The following NEK6 variants were observed in gnomAD, a reference collection of about 807,000 sequenced individuals.
NEK6 encodes the protein NIMA related kinase 6.
A neutral mutation model predicts 43.5 loss-of-function variants in NEK6; 27 were observed. That is an observed-to-expected ratio of 0.62 (90% confidence interval 0.46 to 0.86). The LOEUF (loss-of-function observed/expected upper bound fraction) is 0.86, where lower values mean the gene tolerates loss of function less well. Ranked by LOEUF, NEK6 falls within the 40% of genes least tolerant of loss-of-function variation. The pLI is 0.00. For synonymous variants in NEK6, 167 were observed against 164.1 expected, an observed-to-expected ratio of 1.02 and a Z score of -0.14; for missense variants, 318 against 414.4, an observed-to-expected ratio of 0.77 and a Z score of 2.02.
At chr9:124,329,018 C>G (rs1400861500) in intron 7 of NEK6, among the ~76,000 whole-genome samples, 1 of 152,176 alleles carries the variant, frequency 6.6e-6, no homozygotes, top group Non-Finnish European at 1.5e-5. Flanking sequence ...GAGATTTTTC[C>G]GAGGTCACAT....
chr9:124,316,475 CTCCCT>C (rs1833823444), intron 4 of NEK6, among the ~76,000 whole-genome samples: 1 of 152,212 alleles, frequency 6.6e-6, no homozygotes, highest in Non-Finnish European at 1.5e-5. Context: ...TCAGCTCTCC[CTCCCT>C]TCCCTCTGGC....
intron 9 of NEK6, 43 bp downstream of exon 9, chr9:124,347,865 C>G: frequency 7.7e-7 from 1 of 1,295,200 alleles, no homozygotes; most frequent in South Asian, 1.2e-5. Context: ...CCCAGGAGGC[C>G]ACCGAGGCTT....
intron 1 of NEK6, among the ~76,000 whole-genome samples, chr9:124,272,069 A>G (rs546455953): frequency 3.4e-4 from 52 of 152,246 alleles, no homozygotes; most frequent in African/African-American, 1.2e-3. Flanking sequence ...AGTTTTCCCA[A>G]TCTATTGTGG....
intron 1 of NEK6, chr9:124,292,365 C>G (rs1484634653): frequency 6.6e-7 from 1 of 1,505,674 alleles, no homozygotes; most frequent in Non-Finnish European, 8.8e-7. Context: ...TGGGCTTGGC[C>G]AGAACTTCTG....
intron 1 of NEK6, among the ~76,000 whole-genome samples, chr9:124,280,730 G>C (rs548584783): frequency 6.6e-6 from 1 of 152,286 alleles, no homozygotes; most frequent in South Asian, 2.1e-4. Flanking sequence ...AGAGAGCTGG[G>C]GTCCTCAGCC....
At chr9:124,268,589 C>G (rs183480581) in intron 1 of NEK6, among the ~76,000 whole-genome samples, 1 of 152,202 alleles carries the variant, frequency 6.6e-6, no homozygotes, top group Non-Finnish European at 1.5e-5. Context: ...TCCTGGCTCT[C>G]TCTCTGCTTG....
chr9:124,289,655 C>G (rs184537797), intron 1 of NEK6, among the ~76,000 whole-genome samples: 1 of 152,256 alleles, frequency 6.6e-6, no homozygotes, highest in East Asian at 1.9e-4. Context: ...AATTCCAGAC[C>G]GAAAAGATCT....
intron 1 of NEK6, among the ~76,000 whole-genome samples, chr9:124,288,894 C>G (rs77838820): frequency 0.15 from 22,334 of 152,138 alleles, 1,698 homozygotes; most frequent in Non-Finnish European, 0.17. Context: ...CTCCCTGCAG[C>G]CCCCTTCATT....
At chr9:124,288,088 C>T (rs4367656) in intron 1 of NEK6, among the ~76,000 whole-genome samples, 1 of 152,112 alleles carries the variant, frequency 6.6e-6, no homozygotes, top group Non-Finnish European at 1.5e-5. Context: ...TCCCAAAAGG[C>T]GGATCCCCAG....
chr9:124,327,629 G>T (rs535178700), intron 7 of NEK6, among the ~76,000 whole-genome samples, 184 bp downstream of exon 7: 2 of 152,338 alleles, frequency 1.3e-5, no homozygotes, highest in South Asian at 2.1e-4. Flanking sequence ...GGCCAGAGGA[G>T]CCCAGCTGGG....
intron 4 of NEK6, among the ~76,000 whole-genome samples, chr9:124,316,886 C>T (rs1456518701): frequency 2.0e-5 from 3 of 152,238 alleles, no homozygotes; most frequent in African/African-American, 7.2e-5. Flanking sequence ...CCTACCCAAC[C>T]CCTCTCATTT....
chr9:124,296,978 C>T (rs1832722568), intron 1 of NEK6, among the ~76,000 whole-genome samples: 1 of 152,238 alleles, frequency 6.6e-6, no homozygotes, highest in Non-Finnish European at 1.5e-5. Context: ...TCCCTAGGGT[C>T]ACAGCCCACA....
At chr9:124,257,633 G>C, upstream of NEK6, 1 of 1,506,166 alleles carries the variant, frequency 6.6e-7, no homozygotes. Context: ...GGAATCCGAA[G>C]ACGCACAGGA....
chr9:124,291,801 G>C (rs1588467600), intron 1 of NEK6: 3 of 985,096 alleles, frequency 3.0e-6, no homozygotes, highest in African/African-American at 1.7e-5. Context: ...CCAGTCCCTG[G>C]TAAGCAGGGG....
rs1831410514 is a variant in NEK6, at chr9:124,270,873, C to G, written c.-30+12788C>G. On this transcript the variant is annotated intron_variant, in intron 1 of 9. Coordinates refer to ENST00000320246, the MANE Select transcript of NEK6 (RefSeq NM_014397.6). ...GAAGCATTTCAGGACAGTGAAAGCACAGCATGAAGCCCTACGCTTGGGGCT... is the reference window on the plus strand; with the variant it reads ...GAAGCATTTCAGGACAGTGAAAGCAGAGCATGAAGCCCTACGCTTGGGGCT... 2.6e-5 allele frequency among the ~76,000 whole-genome samples: 4 copies of G among 152,254 alleles called. No individual in the cohort carries two copies. The South Asian group carries it at 8.3e-4, about 31-fold the overall frequency.
chr9:124,312,679 G>A lies in NEK6; in HGVS notation c.231+30G>A, dbSNP rs538813755. On this transcript the variant is annotated intron_variant, in intron 3 of 9. Transcript: ENST00000320246. ...GCTGACAACCCGTGGGGTCAAACCT[G>A]CATCTCGGGAGGTGGTCTCTGCATC... 1.2e-5 allele frequency: 19 copies of A among 1,592,816 alleles called. No individual in the cohort carries two copies. The South Asian group carries it at 2.0e-4, about 17-fold the overall frequency.
At chr9:124,350,670 G>A (rs191423857) in intron 9 of NEK6, among the ~76,000 whole-genome samples, 167 bp from the exon 10 acceptor site, 17 of 152,240 alleles carry the variant, frequency 1.1e-4, no homozygotes, top group Admixed American at 3.3e-4. Context: ...ATGCGGCTGC[G>A]CACCCCTTAC....
At chr9:124,338,315 A>G (rs1442283080) in intron 7 of NEK6, among the ~76,000 whole-genome samples, 1 of 152,208 alleles carries the variant, frequency 6.6e-6, no homozygotes, top group Non-Finnish European at 1.5e-5. Flanking sequence ...GATGAGTAGT[A>G]AGAAAAGTAG....
chr9:124,290,782 G>A (rs1832381210), intron 1 of NEK6, among the ~76,000 whole-genome samples: 1 of 152,160 alleles, frequency 6.6e-6, no homozygotes, highest in South Asian at 2.1e-4. Context: ...GGTCCTTCTG[G>A]GCCACCTCAG....
Sources: allele counts gnomAD v4.1 joint callset (sites outside exome capture counted in the v4.1 genomes callset), GRCh38; gene constraint gnomAD v4.1.1; transcripts MANE v1.5; gene names NCBI Gene and HGNC (gene_info 2026-07-23, HGNC 2026-07-21).